FAM107B: variants seen among roughly 807,000 people sequenced by gnomAD.
FAM107B encodes protein FAM107B.
Under a neutral mutation model 31.5 loss-of-function variants are expected in FAM107B, and 21 were observed. The observed-to-expected ratio is 0.67, with a 90% confidence interval of 0.47 to 0.96. FAM107B has a LOEUF of 0.96. Among genes scored for constraint, FAM107B ranks in the 40% least tolerant of loss-of-function variants. The pLI is 0.00. For synonymous variants in FAM107B, 157 were observed against 141.5 expected, an observed-to-expected ratio of 1.11 and a Z score of -0.78; for missense variants, 452 against 377.1, an observed-to-expected ratio of 1.20 and a Z score of -1.64.
intron 1 of FAM107B, among the ~76,000 whole-genome samples, chr10:14,702,685 T>C (rs1855428705): frequency 6.6e-6 from 1 of 152,196 alleles, no homozygotes; most frequent in Non-Finnish European, 1.5e-5. Context: ...TAGACAGCCA[T>C]GCATTTGGTG....
chr10:14,771,031 G>A (rs868237405), intron 1 of FAM107B, among the ~76,000 whole-genome samples: 8 of 145,886 alleles, frequency 5.5e-5, no homozygotes, highest in South Asian at 2.2e-4. Flanking sequence ...TACAGAGGCA[G>A]CTTAAATAAT....
chr10:14,598,478 T>C (rs1189163901), intron 2 of FAM107B, among the ~76,000 whole-genome samples: 1 of 152,176 alleles, frequency 6.6e-6, no homozygotes, highest in Non-Finnish European at 1.5e-5. Context: ...TGACTCCTCT[T>C]AGATGAAGCA....
At chr10:14,752,261 C>G (rs924548844) in intron 1 of FAM107B, among the ~76,000 whole-genome samples, 3 of 152,208 alleles carry the variant, frequency 2.0e-5, no homozygotes, top group Admixed American at 6.5e-5. Flanking sequence ...GACTTGAGGG[C>G]TTCTCCCCTT....
At chr10:14,521,817 C>T in intron 4 of FAM107B, 52 bp downstream of exon 4, 2 of 1,595,288 alleles carry the variant, frequency 1.3e-6, no homozygotes, top group South Asian at 1.1e-5. Context: ...AACACTCCAA[C>T]ATTCTTCAAG....
chr10:14,604,147 A>C, intron 2 of FAM107B: 3 of 538,926 alleles, frequency 5.6e-6, no homozygotes, highest in Non-Finnish European at 7.0e-6. Flanking sequence ...GCCCGCCGAG[A>C]GGGTCCCCGG....
intron 2 of FAM107B, among the ~76,000 whole-genome samples, chr10:14,595,598 A>G (rs1474174074): frequency 6.6e-6 from 1 of 151,702 alleles, no homozygotes; most frequent in African/African-American, 2.4e-5. Context: ...GCTAATTTTT[A>G]TAATTTTAGT....
chr10:14,677,533 A>G (rs1317998828), intron 1 of FAM107B, among the ~76,000 whole-genome samples: 1 of 152,054 alleles, frequency 6.6e-6, no homozygotes, highest in Non-Finnish European at 1.5e-5. Context: ...AGGCAGGAGA[A>G]TGGCGCGAAC....
intron 1 of FAM107B, among the ~76,000 whole-genome samples, chr10:14,697,707 G>C (rs1855299889): frequency 6.6e-6 from 1 of 152,208 alleles, no homozygotes; most frequent in Non-Finnish European, 1.5e-5. Context: ...CGTGCACATG[G>C]AGTTCCTGAC....
chr10:14,570,801 C>CA (rs34358962), intron 2 of FAM107B, among the ~76,000 whole-genome samples: 110,571 of 145,324 alleles, frequency 0.76, 42,447 homozygotes, highest in Middle Eastern at 0.86. Flanking sequence ...GACTCCATCT[C>CA]AAAAAAAAAA....
chr10:14,745,832 G>A (rs1832717020), intron 1 of FAM107B, among the ~76,000 whole-genome samples: 1 of 152,188 alleles, frequency 6.6e-6, no homozygotes, highest in Non-Finnish European at 1.5e-5. Context: ...ATCCAGAGCT[G>A]AGTTCAGGTT....
chr10:14,767,049 TATATATAGAGAGAG>T (rs1341191660), intron 1 of FAM107B, among the ~76,000 whole-genome samples: 49 of 36,048 alleles, frequency 1.4e-3, no homozygotes, highest in African/African-American at 2.2e-3. Context: ...TATATATATA[TATATATAGAGAGAG>T]AGAGAGAGAG....
chr10:14,572,762 A>ATATATATAT, intron 2 of FAM107B, among the ~76,000 whole-genome samples: 1 of 66,052 alleles, frequency 1.5e-5, no homozygotes, highest in South Asian at 5.2e-4. Flanking sequence ...TATATATATT[A>ATATATATAT]GAGTGTGTGT....
At chr10:14,759,855 G>T in intron 1 of FAM107B, among the ~76,000 whole-genome samples, 1 of 151,944 alleles carries the variant, frequency 6.6e-6, no homozygotes, top group East Asian at 1.9e-4. Context: ...GCGACTACAG[G>T]TGCCCACCAG....
intron 1 of FAM107B, among the ~76,000 whole-genome samples, chr10:14,700,681 CAAT>C (rs1032992122): frequency 6.6e-6 from 1 of 152,128 alleles, no homozygotes; most frequent in African/African-American, 2.4e-5. Context: ...ACATAAACAA[CAAT>C]GATGCTTTTT....
chr10:14,710,955 C>T (rs933434270), intron 1 of FAM107B, among the ~76,000 whole-genome samples: 2 of 152,052 alleles, frequency 1.3e-5, no homozygotes, highest in African/African-American at 4.8e-5. Context: ...CTCTGTCACC[C>T]AGACTAGAGT....
At chr10:14,735,937 T>C in intron 1 of FAM107B, among the ~76,000 whole-genome samples, 1 of 152,204 alleles carries the variant, frequency 6.6e-6, no homozygotes, top group East Asian at 1.9e-4. Flanking sequence ...GTATCTATTA[T>C]GTTTTATTAT....
chr10:14,673,985 TTTTG>T (rs1161573025), intron 1 of FAM107B, among the ~76,000 whole-genome samples: 2 of 152,178 alleles, frequency 1.3e-5, no homozygotes, highest in African/African-American at 2.4e-5. Flanking sequence ...TTGCTTTTTG[TTTTG>T]TTTGTTTGCT....
intron 3 of FAM107B, chr10:14,527,836 C>A: frequency 4.4e-6 from 1 of 225,490 alleles, no homozygotes; most frequent in Non-Finnish European, 9.0e-6. Context: ...AATAAAAACC[C>A]CAGTCTCTAA....
chr10:14,603,313 T>C (rs188162293), intron 2 of FAM107B, among the ~76,000 whole-genome samples: 13 of 152,268 alleles, frequency 8.5e-5, no homozygotes, highest in Non-Finnish European at 1.6e-4. Context: ...ACCGATGTAC[T>C]TGATAGCAAG....
Sources: allele counts gnomAD v4.1 joint callset (sites outside exome capture counted in the v4.1 genomes callset), GRCh38; gene constraint gnomAD v4.1.1; transcripts MANE v1.5; gene names NCBI Gene and HGNC (gene_info 2026-07-23, HGNC 2026-07-21).